Variants in HRNR observed in about 807,000 individuals in gnomAD.
HRNR encodes filaggrin family member 3.
A neutral mutation model predicts 4.8 loss-of-function variants in HRNR; 7 were observed. The ratio of observed to expected loss-of-function variants is 1.47; its 90% CI spans 0.83 to 2.75. HRNR has a LOEUF of 2.75. Ranked by LOEUF, HRNR falls within the 30% of genes most tolerant of loss-of-function variation. The probability of loss-of-function intolerance (pLI) is 0.00; values close to 1 mark genes in which losing one functional copy is unlikely to be tolerated. For synonymous variants in HRNR, 1,023 were observed against 1,242.7 expected (o/e 0.82, Z 3.72); for missense variants, 2,879 against 3,010.4 (o/e 0.96, Z 1.02).
rs759331000 is a variant in HRNR at position 152,218,811 on chromosome 1, G to T, written c.2818C>A (p.Gln940Lys). 6.2e-6 allele frequency: 10 copies of T among 1,613,132 alleles called. No individual in the cohort carries two copies. The South Asian group carries it at 6.6e-5, about 11-fold the overall frequency. Residue 940 changes from glutamine (Q) to lysine (K), a missense_variant, in exon 3 of 3, where the codon CAG (glutamine) becomes AAG (lysine). Transcript: ENST00000368801. ...SGFGHKSSSG[Q>K]SSGYTQHGSG... is the part of the protein sequence containing the mutation. The stretch of plus-strand genomic sequence containing the variant: ...CCATGCTGAGTGTAACCAGAGGACT[G>T]CCCTGAGCTAGACTTGTGACCAAAG...
rs746178115 is a variant in HRNR at position 152,220,394 on chromosome 1, C to G, written c.1235G>C (p.Gly412Ala). 5.0e-6 allele frequency: 8 copies of G among 1,613,952 alleles called. No homozygotes were observed. The highest frequency in any genetic ancestry group is 6.8e-6 in the Non-Finnish European group (8 of 1,180,020). The change falls in exon 3 of 3, where the codon GGC (glycine) becomes GCC (alanine). Residue 412 changes from glycine (G) to alanine (A), a missense_variant. Physicochemically the swap from Gly to Ala is moderately conservative, Grantham distance 60. Around this residue, in one of 8 missense-constraint regions of HRNR, gnomAD observed 2,646 missense variants for 1,377.7 expected, o/e 1.92. Coordinates refer to ENST00000368801, the MANE Select transcript of HRNR (RefSeq NM_001009931.3). ...AGATCCAGAGCTGTGTTGGCCGCGGCCTGAAGAGTGACGGGAGGCAGACTC... is the reference window on the plus strand; with the variant it reads ...AGATCCAGAGCTGTGTTGGCCGCGGGCTGAAGAGTGACGGGAGGCAGACTC... ...QHESASRHSS[G>A]RGQHSSGSGQ...
In HRNR at chr1:152,219,659, C is replaced by T; in HGVS notation, c.1970G>A (p.Gly657Asp). The T allele has an allele frequency of 6.2e-7, 1 of 1,613,240 alleles. No homozygotes were observed. Among genetic ancestry groups the T allele is most frequent in the Non-Finnish European group, 8.5e-7 (1 of 1,179,444 alleles). Reference sequence around the variant, plus strand: ...ATGTCGGCCGCGACTAGGAGACTGGCCAGATCCAGAGCCCTGTTGGCCATA... The same window carrying T: ...ATGTCGGCCGCGACTAGGAGACTGGTCAGATCCAGAGCCCTGTTGGCCATA... The part of the protein sequence containing the change: ...SRYGQQGSGS[G>D]QSPSRGRHGS... The change falls in exon 3 of 3, where the codon GGC becomes GAC. Residue 657 changes from glycine to aspartate, a missense_variant. Transcript: ENST00000368801.
In HRNR at chr1:152,220,683, A is replaced by C. The variant is rs766583810; in HGVS notation, c.946T>G (p.Ser316Ala). 6.2e-7 allele frequency: 1 copy of C among 1,613,136 alleles called. No individual in the cohort carries two copies. The highest frequency in any genetic ancestry group is 8.5e-7 in the Non-Finnish European group (1 of 1,179,460). Residue 316 changes from serine to alanine, a missense_variant, in exon 3 of 3, where the codon TCG becomes GCG. Coordinates refer to ENST00000368801, the MANE Select transcript of HRNR (RefSeq NM_001009931.3). Reference sequence around the variant, plus strand: ...TGGCCGTGGCTGGAGGAGTGCCCCGAACCGGACCCATGTCGGACGTGGCTA... The same window carrying C: ...TGGCCGTGGCTGGAGGAGTGCCCCGCACCGGACCCATGTCGGACGTGGCTA... ...SPSHVRHGSG[S>A]GHSSSHGQHG...
rs749475801 is a variant in HRNR at position 152,219,097 on chromosome 1, A to G, written c.2532T>C (p.His844=). Residue 844 remains histidine, a synonymous_variant, in exon 3 of 3, where the codon CAT becomes CAC. Transcript: ENST00000368801. ...ASGHFSSQGR[H]GSTSGQSSSS... is the part of the protein sequence containing the mutation. ...TTGATGACTGCCCTGACGTAGATCC[A>G]TGTCGTCCCTGGCTAGAGAAGTGAC... 3.1e-6 allele frequency: 5 copies of G among 1,613,102 alleles called. No individual in the cohort carries two copies. The highest frequency in any genetic ancestry group is 2.2e-5 in the East Asian group (1 of 44,784).
In HRNR at chr1:152,219,175, C is replaced by G; in HGVS notation, c.2454G>C (p.Gly818=). 1 of 1,611,654 alleles carries G rather than the reference C, an allele frequency of 6.2e-7. No individual in the cohort carries two copies. Among genetic ancestry groups the G allele is most frequent in the Non-Finnish European group, 8.5e-7 (1 of 1,179,356 alleles). Residue 818 remains glycine (G), a synonymous_variant, in exon 3 of 3, where the codon GGG becomes GGC. Coordinates refer to ENST00000368801, the MANE Select transcript of HRNR (RefSeq NM_001009931.3). The part of the protein sequence containing the change: ...ESGSGQASGF[G]QHESGSGQGY... ...CCTGTCCTGAGCCAGACTCGTGTTGCCCAAAACCAGAAGCCTGGCCTGAGC... is the reference window on the plus strand; with the variant it reads ...CCTGTCCTGAGCCAGACTCGTGTTGGCCAAAACCAGAAGCCTGGCCTGAGC...
chr1:152,221,532 G>A, intron 2 of HRNR, 42 bp from the exon 3 acceptor site: 1 of 1,411,298 alleles, frequency 7.1e-7, no homozygotes, highest in South Asian at 1.3e-5. Context: ...TGTTAGTATG[G>A]ACAATACATC....
Position 152,218,794 on chromosome 1 carries a change from A to G in HRNR, c.2835T>C (p.Thr945=). 6.2e-7 allele frequency: 1 copy of G among 1,613,472 alleles called. No homozygotes were observed. Among genetic ancestry groups the G allele is most frequent in the South Asian group, 1.1e-5 (1 of 91,032 alleles). The change falls in exon 3 of 3, where the codon ACT becomes ACC. Residue 945 remains threonine (T), a synonymous_variant. Transcript: ENST00000368801. ...KSSSGQSSGY[T]QHGSGSGHSS... Reference sequence around the variant, plus strand: ...AGTGACCTGAGCCAGATCCATGCTGAGTGTAACCAGAGGACTGCCCTGAGC... The same window carrying G: ...AGTGACCTGAGCCAGATCCATGCTGGGTGTAACCAGAGGACTGCCCTGAGC...
Position 152,214,326 on chromosome 1 carries a change from T to C in HRNR, c.7303A>G (p.Ser2435Gly), listed in dbSNP as rs78949172. The C allele has an allele frequency of 0.019, 25,015 of 1,322,944 alleles. 3,241 individuals are homozygous for C. The highest frequency in any genetic ancestry group is 0.036 in the African/African-American group (2,024 of 55,576). The allele number at this position is 1,322,944 out of a possible 1,614,324, so 82.0% of individuals were successfully genotyped here. ...GSGSGQSSSY[S>G]PYGSGSGWSS... is the part of the protein sequence containing the mutation. ...CACCCTGAGCCAGACCCATATGGGC[T>C]GTAGCTGGAAGACTGCCCAGAACCA... is the stretch of plus-strand genomic sequence containing the variant. Residue 2435 changes from serine (S) to glycine (G), a missense_variant, in exon 3 of 3, where the codon AGC (serine) becomes GGC (glycine). Ser to Gly is a moderately conservative substitution (Grantham distance 56, BLOSUM62 0). Around this residue, in one of 8 missense-constraint regions of HRNR, gnomAD observed 3 missense variants for 660.0 expected, o/e 0.00. Coordinates refer to ENST00000368801, the MANE Select transcript of HRNR (RefSeq NM_001009931.3).
rs150117899 is a variant in HRNR at position 152,218,574 on chromosome 1, C to G, written c.3055G>C (p.Gly1019Arg). 9.3e-6 allele frequency: 15 copies of G among 1,613,596 alleles called. No individual in the cohort carries two copies. Among genetic ancestry groups the G allele is most frequent in the Admixed American group, 8.3e-5 (5 of 59,974 alleles). ...TATGGGCCATAGCTGGAAGACTGCC[C>G]GGAACCAGACCCATGTCGGCCACGG... ...PSRGRHGSGS[G>R]QSSSYGPYRS... Residue 1019 changes from glycine (G) to arginine (R), a missense_variant, in exon 3 of 3, where the codon GGG becomes CGG. By Grantham distance (125) the Gly-to-Arg change is moderately radical. Transcript: ENST00000368801.
rs781032625 is a variant in HRNR, at chr1:152,220,595, G to A, written c.1034C>T (p.Thr345Ile). ...RGHYESGSGQ[T>I]SGFGQHESGS... ...AGACTCATGTTGCCCAAAGCCAGAA[G>A]TCTGGCCTGAGCCAGACTCATAATG... Residue 345 changes from threonine (T) to isoleucine (I), a missense_variant, in exon 3 of 3, where the codon ACT (threonine) becomes ATT (isoleucine). By Grantham distance (89) the Thr-to-Ile change is moderately conservative (BLOSUM62 -1). Around this residue, in one of 8 missense-constraint regions of HRNR, gnomAD observed 2,646 missense variants for 1,377.7 expected, o/e 1.92. Coordinates refer to ENST00000368801, the MANE Select transcript of HRNR (RefSeq NM_001009931.3). The A allele has an allele frequency of 4.4e-6, 7 of 1,608,374 alleles. No individual in the cohort carries two copies. The highest frequency in any genetic ancestry group is 1.3e-5 in the African/African-American group (1 of 74,910).
chr1:152,218,847 G>T lies in HRNR; in HGVS notation c.2782C>A (p.Gln928Lys). Reference sequence around the variant, plus strand: ...GACTTGTGACCAAAGCCAGAAGACTGGCCTGAGCCAGACCCATGTCGGCCA... The same window carrying T: ...GACTTGTGACCAAAGCCAGAAGACTTGCCTGAGCCAGACCCATGTCGGCCA... ...SSGRHGSGSG[Q>K]SSGFGHKSSS... Residue 928 changes from glutamine (Q) to lysine (K), a missense_variant, in exon 3 of 3, where the codon CAG becomes AAG. Coordinates refer to ENST00000368801, the MANE Select transcript of HRNR (RefSeq NM_001009931.3). 4.3e-6 allele frequency: 7 copies of T among 1,613,364 alleles called. No individual in the cohort carries two copies. Among genetic ancestry groups the T allele is most frequent in the Non-Finnish European group, 5.9e-6 (7 of 1,179,854 alleles).
rs566347548 is a variant in HRNR, at chr1:152,218,735, C to T, written c.2894G>A (p.Gly965Glu). The T allele has an allele frequency of 6.2e-7, 1 of 1,613,886 alleles. No homozygotes were observed. The highest frequency in any genetic ancestry group is 1.7e-5 in the Admixed American group (1 of 60,006). Residue 965 changes from glycine to glutamate, a missense_variant, in exon 3 of 3, where the codon GGA becomes GAA. Transcript: ENST00000368801. ...SSYEQHGSRSGQSSRSEQHGS... is the reference protein window; with the variant it reads ...SSYEQHGSRSEQSSRSEQHGS... ...ATGTTGTTCGCTCCTAGATGACTGT[C>T]CTGACCTAGAGCCGTGTTGTTCGTA...
rs1308503338 is a variant in HRNR at position 152,221,349 on chromosome 1, A to C, written c.280T>G (p.Cys94Gly). Residue 94 changes from cysteine (C) to glycine (G), a missense_variant, in exon 3 of 3, where the codon TGC becomes GGC. By Grantham distance (159) the Cys-to-Gly change is radical (BLOSUM62 -3). This residue lies in a region of HRNR where 2,646 missense variants were observed against 1,377.7 expected (regional missense o/e 1.92). Coordinates refer to ENST00000368801, the MANE Select transcript of HRNR (RefSeq NM_001009931.3). ...CTCAGCTTTGACCCTGAAACTTGGCAGTAATCTTTGCCAATGATTTTATTA... is the reference window on the plus strand; with the variant it reads ...CTCAGCTTTGACCCTGAAACTTGGCCGTAATCTTTGCCAATGATTTTATTA... ...ARNKIIGKDY[C>G]QVSGSKLRDD... is the part of the protein sequence containing the mutation. The C allele has an allele frequency of 5.0e-6, 8 of 1,613,884 alleles. No homozygotes were observed. Among genetic ancestry groups the C allele is most frequent in the East Asian group, 4.5e-5 (2 of 44,894 alleles).
chr1:152,221,176 C>A lies in HRNR; in HGVS notation c.453G>T (p.Gly151=), dbSNP rs745491211. Residue 151 remains glycine, a synonymous_variant, in exon 3 of 3, where the codon GGG becomes GGT. Transcript: ENST00000368801. ...TCAGTCTTCTGGATATGGATTCAGT[C>A]CCAGGTTTAAGACTTCCTCTGACGT... ...SRNVRGSLKP[G]TESISRRLSF... The A allele has an allele frequency of 6.2e-7, 1 of 1,614,144 alleles. No individual in the cohort carries two copies. Among genetic ancestry groups the A allele is most frequent in the South Asian group, 1.1e-5 (1 of 91,076 alleles).
chr1:152,212,971 T>C lies in HRNR; in HGVS notation c.*105A>G, dbSNP rs568488914. On this transcript the variant is annotated 3_prime_UTR_variant, in exon 3 of 3. Coordinates refer to ENST00000368801, the MANE Select transcript of HRNR (RefSeq NM_001009931.3). ...AGACAGAAATGCATTGATTCACTTTTAGAACGAATTTCATGATGGATTGCT... is the reference window on the plus strand; with the variant it reads ...AGACAGAAATGCATTGATTCACTTTCAGAACGAATTTCATGATGGATTGCT... 3.9e-5 allele frequency: 57 copies of C among 1,465,640 alleles called. 3 individuals carry two copies. In the South Asian group the frequency reaches 6.9e-4, roughly 18 times the overall value. The allele number at this position is 1,465,640 out of a possible 1,614,324, so 90.8% of individuals were successfully genotyped here. A position where few individuals can be genotyped will look rare whatever the true frequency, so the allele number is the denominator to read the frequency against.
At position 152,220,687 on chromosome 1, in the gene HRNR, G is replaced by A. The variant is rs566382287; in HGVS notation, c.942C>T (p.Ser314=). 5.1e-5 allele frequency: 82 copies of A among 1,611,948 alleles called. 1 individual carries two copies. The South Asian group carries it at 7.2e-4, about 14-fold the overall frequency. Residue 314 remains serine, a synonymous_variant, in exon 3 of 3, where the codon TCC becomes TCT. Coordinates refer to ENST00000368801, the MANE Select transcript of HRNR (RefSeq NM_001009931.3). ...CGTGGCTGGAGGAGTGCCCCGAACC[G>A]GACCCATGTCGGACGTGGCTAGGAG... ...RQSPSHVRHG[S]GSGHSSSHGQ...
In HRNR at chr1:152,221,096, C is replaced by G; in HGVS notation, c.533G>C (p.Ser178Thr). The change falls in exon 3 of 3, where the codon AGC becomes ACC. Residue 178 changes from serine (S) to threonine (T), a missense_variant. By Grantham distance (58) the Ser-to-Thr change is moderately conservative. Transcript: ENST00000368801. Reference sequence around the variant, plus strand: ...GGAGTCGGAGTTTTGCTCACCATAGCTGGAAGACTGACCTGAGTAGGAGTT... The same window carrying G: ...GGAGTCGGAGTTTTGCTCACCATAGGTGGAAGACTGACCTGAGTAGGAGTT... ...QHNSYSGQSS[S>T]YGEQNSDSHQ... 1 of 1,614,188 alleles carries G rather than the reference C, an allele frequency of 6.2e-7. No individual in the cohort carries two copies. Among genetic ancestry groups the G allele is most frequent in the East Asian group, 2.2e-5 (1 of 44,878 alleles).
Position 152,220,058 on chromosome 1 carries a change from G to C in HRNR, c.1571C>G (p.Ser524Cys). Residue 524 changes from serine (S) to cysteine (C), a missense_variant, in exon 3 of 3, where the codon TCC becomes TGC. Ser to Cys is a moderately radical substitution (Grantham distance 112). Around this residue, in one of 8 missense-constraint regions of HRNR, gnomAD observed 2,646 missense variants for 1,377.7 expected, o/e 1.92. Coordinates refer to ENST00000368801, the MANE Select transcript of HRNR (RefSeq NM_001009931.3). ...TCGGCTGTGTCCCAAAGATTGACGGGAGCCAGACCCATGCTGACCATAGCT... is the reference window on the plus strand; with the variant it reads ...TCGGCTGTGTCCCAAAGATTGACGGCAGCCAGACCCATGCTGACCATAGCT... ...SSSYGQHGSG[S>C]RQSLGHSRHG... The C allele has an allele frequency of 6.2e-7, 1 of 1,613,978 alleles. No homozygotes were observed.
In HRNR at chr1:152,212,947, G is replaced by A; in HGVS notation, c.*129C>T. The A allele has an allele frequency of 3.2e-6, 4 of 1,268,160 alleles. No homozygotes were observed. Among genetic ancestry groups the A allele is most frequent in the Non-Finnish European group, 4.3e-6 (4 of 929,310 alleles). The allele number at this position is 1,268,160 out of a possible 1,614,324, so 78.6% of individuals were successfully genotyped here. A position where few individuals can be genotyped will look rare whatever the true frequency, so the allele number is the denominator to read the frequency against. On this transcript the variant is annotated 3_prime_UTR_variant, in exon 3 of 3. Coordinates refer to ENST00000368801, the MANE Select transcript of HRNR (RefSeq NM_001009931.3). ...TACAGTTTTAGGCTCTAAAGAAAGAGACAGAAATGCATTGATTCACTTTTA... is the reference window on the plus strand; with the variant it reads ...TACAGTTTTAGGCTCTAAAGAAAGAAACAGAAATGCATTGATTCACTTTTA...
Sources: allele counts gnomAD v4.1 joint callset, GRCh38; gene constraint gnomAD v4.1.1; regional missense constraint gnomAD v4.1.1; transcripts MANE v1.5; gene names NCBI Gene and HGNC (gene_info 2026-07-23, HGNC 2026-07-21).